Variants in SLC26A7 observed in about 807,000 individuals in gnomAD.
SLC26A7 encodes the protein anion exchange transporter.
Under a neutral mutation model 82.5 loss-of-function variants are expected in SLC26A7, and 59 were observed. The observed-to-expected ratio is 0.72, with a 90% CI of 0.58 to 0.89. The LOEUF is 0.89. Among genes scored for constraint, SLC26A7 ranks in the 40% least tolerant of loss-of-function variants. The pLI is 0.00. For missense variants in SLC26A7, 820 were observed against 793.0 expected (o/e 1.03, Z -0.41); for synonymous variants, 271 against 274.3 (o/e 0.99, Z 0.12).
chr8:91,257,568 T>C (rs1810838568), intron 2 of SLC26A7, among the ~76,000 whole-genome samples: 1 of 152,036 alleles, frequency 6.6e-6, no homozygotes, highest in Admixed American at 6.6e-5. Context: ...TTCATAGCCA[T>C]GAGCCTCAGA....
chr8:91,285,969 A>G (rs1169700091), intron 2 of SLC26A7, among the ~76,000 whole-genome samples: 3 of 152,202 alleles, frequency 2.0e-5, no homozygotes, highest in Non-Finnish European at 4.4e-5. Flanking sequence ...ATATAAATCT[A>G]AATAAACTAG....
intron 5 of SLC26A7, among the ~76,000 whole-genome samples, chr8:91,323,818 C>CTTTTTTTTT (rs3086210): frequency 1.7e-5 from 2 of 117,104 alleles, no homozygotes; most frequent in African/African-American, 6.1e-5. Flanking sequence ...TTTTTCTTAT[C>CTTTTTTTTT]TTTTTTTTTT....
chr8:91,344,063 T>G (rs1000345443), intron 9 of SLC26A7: 6 of 985,274 alleles, frequency 6.1e-6, no homozygotes, highest in Non-Finnish European at 4.8e-6. Flanking sequence ...ATGAAGATGT[T>G]GCTATTGATG....
chr8:91,243,765 A>C (rs1810505631), intron 2 of SLC26A7, among the ~76,000 whole-genome samples: 1 of 152,212 alleles, frequency 6.6e-6, no homozygotes, highest in Non-Finnish European at 1.5e-5. Flanking sequence ...ACAAACAAAG[A>C]AGCAGCAAGA....
intron 5 of SLC26A7, among the ~76,000 whole-genome samples, chr8:91,329,472 T>C (rs1813019779): frequency 6.6e-6 from 1 of 152,176 alleles, no homozygotes; most frequent in African/African-American, 2.4e-5. Context: ...CTTTGCTTAA[T>C]GAGCTATAGT....
At chr8:91,284,421 C>T (rs374459235) in intron 2 of SLC26A7, among the ~76,000 whole-genome samples, 44 of 152,240 alleles carry the variant, frequency 2.9e-4, no homozygotes, top group Non-Finnish European at 4.7e-4. Context: ...ATTGGAGAGA[C>T]GAAGGAGACA....
In SLC26A7 at chr8:91,289,173, G is replaced by T; in HGVS notation, c.231G>T (p.Val77=). Residue 77 remains valine (V), a synonymous_variant, in exon 3 of 19, where the codon GTG becomes GTT. Coordinates refer to ENST00000276609, the MANE Select transcript of SLC26A7 (RefSeq NM_052832.4). ...CTGTTCTCTCATCTGTGCACCCAGT[G>T]TTTGGTTTATATGGGTCTCTGTTTC... The part of the protein sequence containing the change: ...AFAVLSSVHP[V]FGLYGSLFPA... 6.2e-7 allele frequency: 1 copy of T among 1,613,996 alleles called. No homozygotes were observed. The highest frequency in any genetic ancestry group is 8.5e-7 in the Non-Finnish European group (1 of 1,179,958).
intron 2 of SLC26A7, among the ~76,000 whole-genome samples, chr8:91,256,667 T>C (rs1191851515): frequency 6.6e-6 from 1 of 152,168 alleles, no homozygotes; most frequent in Admixed American, 6.5e-5. Flanking sequence ...TAGCCCTGAC[T>C]CTCCATTTGC....
At chr8:91,318,414 T>G (rs1358105311) in intron 5 of SLC26A7, 34 bp downstream of exon 5, 1 of 1,533,802 alleles carries the variant, frequency 6.5e-7, no homozygotes, top group African/African-American at 1.4e-5. Context: ...ACATATCTTT[T>G]GAATGTGCAG....
intron 15 of SLC26A7, among the ~76,000 whole-genome samples, chr8:91,387,063 C>G (rs1586479909): frequency 6.6e-6 from 1 of 151,944 alleles, no homozygotes; most frequent in Non-Finnish European, 1.5e-5. Flanking sequence ...AGAAAGTTTA[C>G]CTAATATTTA....
intron 5 of SLC26A7, among the ~76,000 whole-genome samples, chr8:91,318,812 A>G (rs888292940): frequency 1.2e-4 from 18 of 152,300 alleles, no homozygotes; most frequent in Admixed American, 9.2e-4. Flanking sequence ...GTAGCAGACA[A>G]TCAGCTATTA....
At chr8:91,214,111 CTAGT>C (rs775462104) in intron 1 of SLC26A7, among the ~76,000 whole-genome samples, 2 of 151,924 alleles carry the variant, frequency 1.3e-5, no homozygotes, top group Non-Finnish European at 2.9e-5. Flanking sequence ...AGATAAGAGG[CTAGT>C]TAGAGTGGTT....
chr8:91,281,019 C>T (rs1249341078), intron 2 of SLC26A7, among the ~76,000 whole-genome samples: 1 of 152,118 alleles, frequency 6.6e-6, no homozygotes, highest in Non-Finnish European at 1.5e-5. Context: ...CTGTAGTTAT[C>T]ACCTAAAAGT....
intron 2 of SLC26A7, among the ~76,000 whole-genome samples, chr8:91,250,595 A>G (rs550966416): frequency 3.3e-5 from 5 of 152,246 alleles, no homozygotes; most frequent in African/African-American, 1.2e-4. Flanking sequence ...TAATTCAAAT[A>G]ATTTTCTACC....
intron 4 of SLC26A7, among the ~76,000 whole-genome samples, chr8:91,317,738 A>G (rs888465882): frequency 2.6e-5 from 4 of 152,086 alleles, no homozygotes; most frequent in African/African-American, 9.7e-5. Context: ...AAAATTTTAA[A>G]TTACAGATAT....
intron 2 of SLC26A7, among the ~76,000 whole-genome samples, chr8:91,235,142 TTG>T (rs1810376986): frequency 6.6e-6 from 1 of 152,120 alleles, no homozygotes; most frequent in Non-Finnish European, 1.5e-5. Flanking sequence ...CAGGTTGGCC[TTG>T]AACTCCTGGG....
chr8:91,347,924 G>A (rs923595778), intron 9 of SLC26A7, among the ~76,000 whole-genome samples: 1 of 152,326 alleles, frequency 6.6e-6, no homozygotes, highest in Middle Eastern at 3.4e-3. Flanking sequence ...GTAAAGAACG[G>A]TAAGTATGGG....
intron 16 of SLC26A7, among the ~76,000 whole-genome samples, chr8:91,390,161 A>ATC (rs1814918854): frequency 7.0e-6 from 1 of 143,578 alleles, no homozygotes; most frequent in Non-Finnish European, 1.5e-5. Context: ...CCCAGGCTGG[A>ATC]GTGCAGTGGC....
chr8:91,359,714 A>G (rs1168569761), intron 11 of SLC26A7, among the ~76,000 whole-genome samples: 2 of 152,162 alleles, frequency 1.3e-5, no homozygotes, highest in African/African-American at 2.4e-5. Flanking sequence ...GTTATTGGGC[A>G]CAGCATTCAA....
Sources: allele counts gnomAD v4.1 joint callset (sites outside exome capture counted in the v4.1 genomes callset), GRCh38; gene constraint gnomAD v4.1.1; transcripts MANE v1.5; gene names NCBI Gene and HGNC (gene_info 2026-07-23, HGNC 2026-07-21).